CNBD2: variants seen among roughly 807,000 people sequenced by gnomAD.
CNBD2 encodes the protein cyclic nucleotide binding domain containing 2.
Under a neutral mutation model 63.7 loss-of-function variants are expected in CNBD2, and 64 were observed. That is an observed-to-expected ratio of 1.00 (90% confidence interval 0.82 to 1.24). The LOEUF (loss-of-function observed/expected upper bound fraction) is 1.24. CNBD2 is among the 50% of genes most tolerant of loss of function. The probability of loss-of-function intolerance (pLI) is 0.00; values close to 1 mark genes in which losing one functional copy is unlikely to be tolerated. For synonymous variants in CNBD2, 229 were observed against 255.4 expected (o/e 0.90, Z 0.99); for missense variants, 691 against 713.5 (o/e 0.97, Z 0.36).
intron 10 of CNBD2, among the ~76,000 whole-genome samples, chr20:36,016,477 TC>T (rs1568922812): frequency 6.6e-6 from 1 of 152,134 alleles, no homozygotes; most frequent in East Asian, 1.9e-4. Context: ...TTCCTGTAAA[TC>T]TAAAACTGTT....
chr20:35,984,046 C>T lies in CNBD2; in HGVS notation c.472C>T (p.Leu158=), dbSNP rs1490212010. The part of the protein sequence containing the change: ...QKGNSFYFIY[L]GTVAITKDED... ...GGGCAACAGCTTTTATTTCATCTAC[C>T]TGGGCACAGTTGCAATAACCAAGGA... The change falls in exon 5 of 12, where the codon CTG becomes TTG. Residue 158 remains leucine, a synonymous_variant. Coordinates refer to ENST00000373973, the MANE Select transcript of CNBD2 (RefSeq NM_001365709.1). The T allele has an allele frequency of 2.5e-6, 4 of 1,614,066 alleles. No individual in the cohort carries two copies. Among genetic ancestry groups the T allele is most frequent in the Non-Finnish European group, 3.4e-6 (4 of 1,180,032 alleles).
intron 3 of CNBD2, among the ~76,000 whole-genome samples, chr20:35,977,734 G>A (rs2056541015): frequency 6.6e-6 from 1 of 152,134 alleles, no homozygotes; most frequent in African/African-American, 2.4e-5. Context: ...ATGCTAATGA[G>A]TATAGGGTTT....
chr20:36,001,311 CG>C (rs1386917005), intron 8 of CNBD2, among the ~76,000 whole-genome samples: 7 of 149,340 alleles, frequency 4.7e-5, no homozygotes, highest in Admixed American at 4.6e-4. Flanking sequence ...CCAGTAGGGG[CG>C]GCCGGGCAGA....
intron 2 of CNBD2, among the ~76,000 whole-genome samples, chr20:35,961,055 G>C (rs147896636): frequency 6.6e-6 from 1 of 151,888 alleles, no homozygotes; most frequent in East Asian, 1.9e-4. Context: ...TCAGCCTCTC[G>C]AGTAGCTGGG....
At chr20:35,964,123 A>T (rs1166512997), upstream of CNBD2, among the ~76,000 whole-genome samples, 2 of 151,764 alleles carry the variant, frequency 1.3e-5, no homozygotes, top group African/African-American at 2.4e-5. Context: ...TGAGCATCTC[A>T]CGTTTTAGCT....
upstream of CNBD2, among the ~76,000 whole-genome samples, chr20:35,968,200 G>T (rs554539111): frequency 5.9e-5 from 9 of 152,314 alleles, no homozygotes; most frequent in Non-Finnish European, 1.2e-4. Context: ...GCAGGTTAAT[G>T]CAAATTAAGG....
chr20:35,981,420 CTCTT>C (rs1416019577), intron 4 of CNBD2, among the ~76,000 whole-genome samples: 4 of 152,004 alleles, frequency 2.6e-5, no homozygotes, highest in Non-Finnish European at 5.9e-5. Flanking sequence ...GGGCCATCTC[CTCTT>C]TCTTTATTCT....
intron 9 of CNBD2, among the ~76,000 whole-genome samples, chr20:36,010,410 C>T (rs2057042138): frequency 6.7e-6 from 1 of 149,638 alleles, no homozygotes; most frequent in African/African-American, 2.5e-5. Context: ...TGCCACTGCA[C>T]TCCAGCCTGG....
chr20:35,964,157 C>A (rs77914463), upstream of CNBD2, among the ~76,000 whole-genome samples: 6,231 of 152,094 alleles, frequency 0.041, 245 homozygotes, highest in South Asian at 0.21. Flanking sequence ...CCTGAACAGA[C>A]CCTGCTCTTT....
intron 7 of CNBD2, 37 bp downstream of exon 7, chr20:35,987,570 T>A: frequency 6.2e-7 from 1 of 1,611,552 alleles, no homozygotes; most frequent in Non-Finnish European, 8.5e-7. Context: ...GGTGAACCTC[T>A]GAGGAGCATG....
intron 7 of CNBD2, 77 bp from the exon 8 acceptor site, chr20:35,994,959 AAG>A (rs1345032735): frequency 1.1e-6 from 1 of 929,090 alleles, no homozygotes; most frequent in African/African-American, 1.7e-5. Context: ...AGATGCAATT[AAG>A]AGAGATTTTC....
intron 10 of CNBD2, among the ~76,000 whole-genome samples, chr20:36,022,203 T>C (rs987735005): frequency 7.3e-5 from 9 of 122,966 alleles, no homozygotes; most frequent in East Asian, 2.3e-4. Context: ...TTCTTTTTTT[T>C]TTTTTTTTTT....
chr20:35,988,235 T>C (rs1219392650), intron 7 of CNBD2, among the ~76,000 whole-genome samples: 1 of 152,058 alleles, frequency 6.6e-6, no homozygotes, highest in Non-Finnish European at 1.5e-5. Context: ...GACGAGATCT[T>C]GGCTCACTGC....
intron 9 of CNBD2, among the ~76,000 whole-genome samples, chr20:36,009,029 CACTT>C (rs139634716): frequency 0.035 from 5,392 of 152,192 alleles, 331 homozygotes; most frequent in African/African-American, 0.12. Flanking sequence ...TTATAGTTAA[CACTT>C]ACAGAGTATT....
At chr20:36,016,957 G>C (rs1489012235) in intron 10 of CNBD2, among the ~76,000 whole-genome samples, 1 of 151,608 alleles carries the variant, frequency 6.6e-6, no homozygotes, top group East Asian at 1.9e-4. Context: ...TACTTGGGAG[G>C]GTGGGGTGGG....
chr20:36,011,055 A>G (rs540649144), intron 9 of CNBD2, 82 bp from the exon 10 acceptor site: 105 of 1,325,640 alleles, frequency 7.9e-5, no homozygotes, highest in Non-Finnish European at 7.9e-6. Context: ...CTCCATGTGC[A>G]GAAGAGTGAG....
chr20:35,968,851 A>C, intron 1 of CNBD2, 38 bp downstream of exon 1: 2 of 1,518,700 alleles, frequency 1.3e-6, no homozygotes, highest in East Asian at 2.3e-5. Flanking sequence ...GAAGAGCAGA[A>C]GACTGAACAG....
At chr20:35,966,978 T>C (rs1392197350), upstream of CNBD2, among the ~76,000 whole-genome samples, 1 of 152,236 alleles carries the variant, frequency 6.6e-6, no homozygotes, top group Non-Finnish European at 1.5e-5. Context: ...ATCTGTGTGC[T>C]TACTTAAAAG....
intron 8 of CNBD2, 134 bp from the exon 9 acceptor site, chr20:36,008,163 C>T: frequency 1.5e-6 from 1 of 668,448 alleles, no homozygotes; most frequent in Non-Finnish European, 2.5e-6. Context: ...TTTTATCTTT[C>T]TTTTTTTTTT....
Sources: allele counts gnomAD v4.1 joint callset (sites outside exome capture counted in the v4.1 genomes callset), GRCh38; gene constraint gnomAD v4.1.1; transcripts MANE v1.5; gene names NCBI Gene and HGNC (gene_info 2026-07-23, HGNC 2026-07-21).